Variants in ADGRF1 observed in about 807,000 individuals in gnomAD.
ADGRF1 encodes G protein-coupled receptor 110.
Under a neutral mutation model 87.2 loss-of-function variants are expected in ADGRF1, and 85 were observed. The observed-to-expected ratio is 0.97, with a 90% CI of 0.82 to 1.17. The LOEUF is 1.17. Among genes scored for constraint, ADGRF1 ranks in the 50% most tolerant of loss-of-function variants. The pLI, the probability that ADGRF1 is intolerant of heterozygous loss-of-function variation, is 0.00. For synonymous variants in ADGRF1, 430 were observed against 408.8 expected (o/e 1.05, Z -0.63); for missense variants, 1,169 against 1,077.2 (o/e 1.09, Z -1.19).
chr6:47,011,893 G>T, intron 10 of ADGRF1, 114 bp downstream of exon 10: 1 of 900,438 alleles, frequency 1.1e-6, no homozygotes, highest in East Asian at 2.7e-5. Context: ...TTCACATAAA[G>T]ACGCATACAT....
rs531245824 is a variant in ADGRF1, at chr6:47,025,268, C to T, written c.277+586G>A. Reference sequence around the variant, plus strand: ...TGCGACACAGAATCACCTGGAAGATCTCACCCTGGAGTTTCTGATCCTCTT... The same window carrying T: ...TGCGACACAGAATCACCTGGAAGATTTCACCCTGGAGTTTCTGATCCTCTT... On this transcript the variant is annotated intron_variant, in intron 4 of 14. Transcript: ENST00000371253. Among the ~76,000 whole-genome samples, 4 of 152,282 alleles carry T rather than the reference C, an allele frequency of 2.6e-5. No individual in the cohort carries two copies. In the South Asian group the frequency reaches 8.3e-4, roughly 32 times the overall value.
intron 10 of ADGRF1, among the ~76,000 whole-genome samples, chr6:47,011,205 G>GT (rs1779694726): frequency 6.6e-6 from 1 of 151,984 alleles, no homozygotes; most frequent in East Asian, 1.9e-4. Context: ...ATGTGGTCAG[G>GT]TTTTTAAAAA....
At chr6:47,015,569 C>A (rs1449954730) in intron 8 of ADGRF1, among the ~76,000 whole-genome samples, 1 of 135,712 alleles carries the variant, frequency 7.4e-6, no homozygotes, top group Non-Finnish European at 1.5e-5. Context: ...CACCACGATG[C>A]CTGGCTATTT....
intron 1 of ADGRF1, among the ~76,000 whole-genome samples, chr6:47,034,717 C>T (rs569753133): frequency 2.0e-5 from 3 of 152,288 alleles, no homozygotes; most frequent in South Asian, 2.1e-4. Flanking sequence ...TTCTGGTTAC[C>T]GAGAATCTCT....
At chr6:47,021,084 C>A (rs113851159) in intron 6 of ADGRF1, among the ~76,000 whole-genome samples, 6 of 152,214 alleles carry the variant, frequency 3.9e-5, no homozygotes, top group African/African-American at 1.2e-4. Flanking sequence ...GATGCCAGAT[C>A]GTAGAATAAA....
At chr6:47,033,616 A>G (rs771474042) in intron 1 of ADGRF1, among the ~76,000 whole-genome samples, 5 of 152,264 alleles carry the variant, frequency 3.3e-5, no homozygotes, top group Admixed American at 2.0e-4. Flanking sequence ...ATGCGCACAC[A>G]CACATTGATG....
In ADGRF1 at chr6:47,042,257, C is replaced by T; in HGVS notation, c.-110G>A. ...TCCTTCAGTATACTTGTGGCTCAAT[C>T]ACTTCTTATGCTGTTTGGAAAGAAA... On this transcript the variant is annotated 5_prime_UTR_variant, in exon 1 of 15. Coordinates refer to ENST00000371253, the MANE Select transcript of ADGRF1 (RefSeq NM_153840.4). 1 of 152,182 alleles carries T rather than the reference C, an allele frequency of 6.6e-6. No homozygotes were observed. The highest frequency in any genetic ancestry group is 1.5e-5 in the Non-Finnish European group (1 of 68,046). 9.4% of individuals were successfully genotyped at this position (152,182 alleles called of 1,614,324 possible).
At chr6:47,027,894 G>C (rs1003391015) in intron 2 of ADGRF1, 133 bp from the exon 3 acceptor site, 23 of 668,212 alleles carry the variant, frequency 3.4e-5, no homozygotes, top group Non-Finnish European at 5.0e-5. Context: ...AGGCGGCCAG[G>C]GAAGGCCTCA....
At chr6:47,011,567 G>C (rs1779707979) in intron 10 of ADGRF1, among the ~76,000 whole-genome samples, 1 of 152,158 alleles carries the variant, frequency 6.6e-6, no homozygotes, top group African/African-American at 2.4e-5. Context: ...TTCCTATAGT[G>C]ACCAAGTATC....
At chr6:47,030,213 G>A (rs983095296) in intron 1 of ADGRF1, among the ~76,000 whole-genome samples, 3 of 152,190 alleles carry the variant, frequency 2.0e-5, no homozygotes, top group Non-Finnish European at 4.4e-5. Flanking sequence ...CCATAGAGGT[G>A]GCCTATGTCT....
At chr6:47,004,781 C>A (rs1779469697) in intron 13 of ADGRF1, among the ~76,000 whole-genome samples, 2 of 152,162 alleles carry the variant, frequency 1.3e-5, no homozygotes, top group Non-Finnish European at 2.9e-5. Flanking sequence ...AATAACTAGT[C>A]CAACATTTAT....
chr6:47,020,700 G>A (rs1377191809), intron 7 of ADGRF1, 31 bp downstream of exon 7: 1 of 1,608,696 alleles, frequency 6.2e-7, no homozygotes, highest in South Asian at 1.1e-5. Context: ...CAATTCTGGG[G>A]ATGCCCTTCT....
intron 2 of ADGRF1, 69 bp downstream of exon 2, chr6:47,028,924 G>T: frequency 8.2e-7 from 1 of 1,212,568 alleles, no homozygotes; most frequent in Non-Finnish European, 1.2e-6. Context: ...AGAGTGAGGG[G>T]TTCTAAAAGT....
chr6:47,015,941 T>C (rs1779862223), intron 8 of ADGRF1, among the ~76,000 whole-genome samples: 1 of 151,998 alleles, frequency 6.6e-6, no homozygotes, highest in Non-Finnish European at 1.5e-5. Flanking sequence ...TTTCACCACG[T>C]TGGCCAAGCT....
chr6:47,013,126 A>C, intron 9 of ADGRF1: 1 of 985,442 alleles, frequency 1.0e-6, no homozygotes, highest in Non-Finnish European at 1.2e-6. Context: ...TTACTACACC[A>C]GGCTAACTTG....
chr6:47,015,827 A>G (rs1004482897), intron 8 of ADGRF1, among the ~76,000 whole-genome samples: 3 of 150,024 alleles, frequency 2.0e-5, no homozygotes, highest in Non-Finnish European at 4.4e-5. Context: ...CAAACTTCTG[A>G]TCTCAGGCAA....
intron 1 of ADGRF1, 35 bp downstream of exon 1, chr6:47,042,156 G>A (rs998640733): frequency 6.6e-5 from 10 of 151,988 alleles, no homozygotes; most frequent in Non-Finnish European, 1.0e-4. Flanking sequence ...CGTAATACAC[G>A]TTCTTAGTAA....
chr6:47,025,975 A>AAGC lies in ADGRF1; in HGVS notation c.153_155dup (p.Leu52dup). ...CCTTGGAATCTCTATAGGTCACCTG[A>AAGC]AGCAGCAGCTGATATTCTTCGACTG... On this transcript the variant is annotated inframe_insertion, in exon 4 of 15. Coordinates refer to ENST00000371253, the MANE Select transcript of ADGRF1 (RefSeq NM_153840.4). 1 of 1,607,718 alleles carries AAGC rather than the reference A, an allele frequency of 6.2e-7. No homozygotes were observed. The highest frequency in any genetic ancestry group is 8.5e-7 in the Non-Finnish European group (1 of 1,176,974).
chr6:47,002,635 A>G (rs76918654), intron 13 of ADGRF1, among the ~76,000 whole-genome samples: 1,892 of 152,242 alleles, frequency 0.012, 24 homozygotes, highest in Middle Eastern at 0.034. Flanking sequence ...GTGAAGTTAT[A>G]TGGGTCGAAA....
Sources: gnomAD v4.1 joint callset for allele counts (sites outside exome capture counted in the v4.1 genomes callset) on GRCh38, gnomAD v4.1.1 for gene constraint, MANE v1.5 for transcripts, NCBI Gene and HGNC (gene_info 2026-07-23, HGNC 2026-07-21) for gene names.